Variants in TMEM26 observed in about 807,000 individuals in gnomAD.
TMEM26 encodes the protein transmembrane protein 26.
In TMEM26, 38 loss-of-function variants were observed where a neutral mutation model predicts 28.8. That is an observed-to-expected ratio of 1.32 (90% CI 1.02 to 1.73). The LOEUF is 1.73. Ranked by LOEUF, TMEM26 falls within the 40% of genes most tolerant of loss-of-function variation. TMEM26 has a pLI of 0.00. For synonymous variants in TMEM26, 227 were observed against 182.9 expected, an observed-to-expected ratio of 1.24 and a Z score of -1.95; for missense variants, 518 against 447.1, an observed-to-expected ratio of 1.16 and a Z score of -1.43.
In TMEM26 at chr10:61,452,805, C is replaced by T. The variant is rs914751724; in HGVS notation, c.191+86G>A. On this transcript the variant is annotated intron_variant, in intron 1 of 5. Transcript: ENST00000399298. ...GGGGTCCAAATTCGAGTAGAATCTG[C>T]GGGTTGCGGGAAGATGGCCTGCGAG... is the stretch of plus-strand genomic sequence containing the variant. 1.2e-4 allele frequency: 176 copies of T among 1,460,118 alleles called. 2 individuals are homozygous for T. The highest frequency in any genetic ancestry group is 1.6e-4 in the Non-Finnish European group (170 of 1,064,040). 90.4% of individuals were successfully genotyped at this position (1,460,118 alleles called of 1,614,324 possible).
intron 5 of TMEM26, among the ~76,000 whole-genome samples, chr10:61,411,477 A>G (rs914859205): frequency 2.0e-5 from 3 of 152,242 alleles, no homozygotes; most frequent in African/African-American, 7.2e-5. Flanking sequence ...GTTGGTTTAC[A>G]CACTCAAGCG....
intron 5 of TMEM26, among the ~76,000 whole-genome samples, chr10:61,411,776 T>G (rs1839573179): frequency 1.3e-5 from 2 of 152,226 alleles, no homozygotes; most frequent in Admixed American, 1.3e-4. Flanking sequence ...AATCCTTTTA[T>G]AATAATGAAG....
intron 4 of TMEM26, among the ~76,000 whole-genome samples, chr10:61,416,470 T>C (rs1258001031): frequency 6.6e-6 from 1 of 152,140 alleles, no homozygotes; most frequent in South Asian, 2.1e-4. Flanking sequence ...ATAATAATAA[T>C]TACTGGATTA....
chr10:61,453,178 A>G lies in TMEM26; in HGVS notation c.-97T>C. On this transcript the variant is annotated 5_prime_UTR_variant, in exon 1 of 6. Transcript: ENST00000399298. Reference sequence around the variant, plus strand: ...ACCGGTGAGCAGGAATATGACAAGCACTGAGACCTGCTGCTGCTTGTGGTC... The same window carrying G: ...ACCGGTGAGCAGGAATATGACAAGCGCTGAGACCTGCTGCTGCTTGTGGTC... The G allele has an allele frequency of 7.8e-7, 1 of 1,275,400 alleles. No homozygotes were observed. The highest frequency in any genetic ancestry group is 1.1e-6 in the Non-Finnish European group (1 of 916,134). 79.0% of individuals were successfully genotyped at this position (1,275,400 alleles called of 1,614,324 possible). A position where few individuals can be genotyped will look rare whatever the true frequency, so the allele number is the denominator to read the frequency against.
chr10:61,437,223 C>A (rs1398598250), intron 1 of TMEM26, among the ~76,000 whole-genome samples: 2 of 152,058 alleles, frequency 1.3e-5, no homozygotes, highest in East Asian at 1.9e-4. Flanking sequence ...ACCTTTAAGA[C>A]CTTATTTAAC....
At chr10:61,434,443 G>T (rs1484225564) in intron 2 of TMEM26, among the ~76,000 whole-genome samples, 2 of 152,184 alleles carry the variant, frequency 1.3e-5, no homozygotes, top group Non-Finnish European at 2.9e-5. Flanking sequence ...AATGGTTATT[G>T]TGTATGACAG....
intron 2 of TMEM26, among the ~76,000 whole-genome samples, chr10:61,433,567 A>T (rs139007124): frequency 2.0e-5 from 3 of 152,244 alleles, no homozygotes; most frequent in Non-Finnish European, 4.4e-5. Context: ...GGTCACAATC[A>T]TTGTCATAAA....
At chr10:61,418,417 C>T (rs995098619) in intron 4 of TMEM26, among the ~76,000 whole-genome samples, 1 of 151,696 alleles carries the variant, frequency 6.6e-6, no homozygotes, top group Non-Finnish European at 1.5e-5. Context: ...TGCAAACTGG[C>T]AAGAGGCTGG....
chr10:61,420,773 G>C (rs964107561), intron 4 of TMEM26, among the ~76,000 whole-genome samples: 5 of 149,578 alleles, frequency 3.3e-5, no homozygotes, highest in Admixed American at 1.3e-4. Context: ...TGCCTTAGGA[G>C]AAACACTAAA....
At chr10:61,449,753 T>C (rs1840245487) in intron 1 of TMEM26, among the ~76,000 whole-genome samples, 1 of 152,168 alleles carries the variant, frequency 6.6e-6, no homozygotes, top group Non-Finnish European at 1.5e-5. Flanking sequence ...AATTTATTCC[T>C]CTTTATTTAT....
chr10:61,446,705 G>A (rs914538986), intron 1 of TMEM26, among the ~76,000 whole-genome samples: 2 of 150,908 alleles, frequency 1.3e-5, no homozygotes. Context: ...TGTAGTCCCA[G>A]CTACTCAGCA....
At chr10:61,434,317 TC>T (rs151246752) in intron 2 of TMEM26, among the ~76,000 whole-genome samples, 109 of 152,316 alleles carry the variant, frequency 7.2e-4, no homozygotes, top group African/African-American at 2.5e-3. Context: ...GGCTCAAAAA[TC>T]TTTTTTTATT....
rs979608880 is a variant in TMEM26, at chr10:61,410,026, C to T, written c.*296G>A. On this transcript the variant is annotated 3_prime_UTR_variant, in exon 6 of 6. Coordinates refer to ENST00000399298, the MANE Select transcript of TMEM26 (RefSeq NM_178505.8). Reference sequence around the variant, plus strand: ...TGGTCTGCACCAAATCTTTCGAGGGCATGTCACTGTAACCTCTTCCATAGC... The same window carrying T: ...TGGTCTGCACCAAATCTTTCGAGGGTATGTCACTGTAACCTCTTCCATAGC... 2.9e-6 allele frequency: 1 copy of T among 348,850 alleles called. No individual in the cohort carries two copies. The highest frequency in any genetic ancestry group is 5.2e-6 in the Non-Finnish European group (1 of 192,386). The allele number at this position is 348,850 out of a possible 1,614,324, so 21.6% of individuals were successfully genotyped here. A position where few individuals can be genotyped will look rare whatever the true frequency, so the allele number is the denominator to read the frequency against.
At chr10:61,417,331 T>C (rs1442145394) in intron 4 of TMEM26, among the ~76,000 whole-genome samples, 7 of 152,028 alleles carry the variant, frequency 4.6e-5, no homozygotes, top group Non-Finnish European at 8.8e-5. Context: ...TGGCATTTGG[T>C]ATATCAGCAC....
rs1341689090 is a variant in TMEM26 at position 61,453,145 on chromosome 10, C to G, written c.-64G>C. ...CCCCCAGGACCCTGCCGGGCGTGCC[C>G]GGAGCCCACCGGTGAGCAGGAATAT... On this transcript the variant is annotated 5_prime_UTR_variant, in exon 1 of 6. Coordinates refer to ENST00000399298, the MANE Select transcript of TMEM26 (RefSeq NM_178505.8). The G allele has an allele frequency of 6.5e-7, 1 of 1,529,392 alleles. No individual in the cohort carries two copies. The highest frequency in any genetic ancestry group is 8.9e-7 in the Non-Finnish European group (1 of 1,122,758). The allele number at this position is 1,529,392 out of a possible 1,614,324, so 94.7% of individuals were successfully genotyped here.
intron 4 of TMEM26, chr10:61,415,928 A>C: frequency 3.0e-6 from 1 of 330,694 alleles, no homozygotes; most frequent in Non-Finnish European, 5.9e-6. Flanking sequence ...TAAGGACTAT[A>C]ATGTGGAAAA....
intron 4 of TMEM26, among the ~76,000 whole-genome samples, chr10:61,421,420 TC>T (rs145687176): frequency 5.3e-4 from 81 of 152,238 alleles, no homozygotes; most frequent in African/African-American, 1.9e-3. Flanking sequence ...TTGAATAGTG[TC>T]CCTTAAAATT....
At chr10:61,417,845 T>C (rs1352535684) in intron 4 of TMEM26, among the ~76,000 whole-genome samples, 4 of 152,018 alleles carry the variant, frequency 2.6e-5, no homozygotes, top group Non-Finnish European at 5.9e-5. Flanking sequence ...GTGGCTGTAG[T>C]GAAATGAAAA....
intron 4 of TMEM26, among the ~76,000 whole-genome samples, chr10:61,422,077 C>T (rs551047084): frequency 7.4e-4 from 112 of 152,124 alleles, no homozygotes; most frequent in African/African-American, 2.6e-3. Flanking sequence ...AGTGATCATT[C>T]ATGATAAAAT....
Sources: allele counts gnomAD v4.1 joint callset (sites outside exome capture counted in the v4.1 genomes callset), GRCh38; gene constraint gnomAD v4.1.1; transcripts MANE v1.5; gene names NCBI Gene and HGNC (gene_info 2026-07-23, HGNC 2026-07-21).